The following PHF21A variants were observed in gnomAD, a reference collection of about 807,000 sequenced individuals.
The protein encoded by PHF21A is BHC80a.
Under a neutral mutation model 82.5 loss-of-function variants are expected in PHF21A, and 11 were observed. That is an observed-to-expected ratio of 0.13 (90% CI 0.08 to 0.22). PHF21A has a LOEUF of 0.22. Among genes scored for constraint, PHF21A ranks in the 10% least tolerant of loss-of-function variants. PHF21A has a pLI of 1.00. For synonymous variants in PHF21A, 297 were observed against 302.8 expected (o/e 0.98, Z 0.20); for missense variants, 579 against 837.8 (o/e 0.69, Z 3.81).
intron 1 of PHF21A, among the ~76,000 whole-genome samples, chr11:46,109,193 G>A (rs2097183903): frequency 6.6e-6 from 1 of 152,176 alleles, no homozygotes. Context: ...AATCCAGGTT[G>A]TATCATTTGT....
At chr11:45,961,646 A>G (rs2093084660) in intron 10 of PHF21A, among the ~76,000 whole-genome samples, 4 of 149,536 alleles carry the variant, frequency 2.7e-5, no homozygotes, top group African/African-American at 9.8e-5. Flanking sequence ...GACATGTTAC[A>G]TAGAAGTCTT....
chr11:46,049,488 C>T (rs149670458), intron 6 of PHF21A: 34 of 456,150 alleles, frequency 7.5e-5, no homozygotes, highest in African/African-American at 6.6e-4. Context: ...TAGAGGGAAA[C>T]AGATGGCTTC....
intron 6 of PHF21A, among the ~76,000 whole-genome samples, chr11:46,050,490 A>C (rs1170594771): frequency 6.6e-6 from 1 of 152,232 alleles, no homozygotes; most frequent in Non-Finnish European, 1.5e-5. Flanking sequence ...GAAAGCAACA[A>C]GAAATAAAAG....
At chr11:45,998,481 A>G (rs1000821757) in intron 6 of PHF21A, among the ~76,000 whole-genome samples, 5 of 152,212 alleles carry the variant, frequency 3.3e-5, no homozygotes, top group African/African-American at 1.2e-4. Flanking sequence ...TAGGAAACAG[A>G]AGATGTACAT....
chr11:45,951,992 A>G (rs745350747), intron 11 of PHF21A, among the ~76,000 whole-genome samples: 2 of 151,970 alleles, frequency 1.3e-5, no homozygotes, highest in Non-Finnish European at 2.9e-5. Flanking sequence ...TTTTTAGTAG[A>G]GACAGAGTTT....
At chr11:46,016,347 C>A (rs186280535) in intron 6 of PHF21A, among the ~76,000 whole-genome samples, 1 of 152,182 alleles carries the variant, frequency 6.6e-6, no homozygotes, top group African/African-American at 2.4e-5. Flanking sequence ...GCATTTAAGG[C>A]CCTTAACAAC....
intron 6 of PHF21A, among the ~76,000 whole-genome samples, chr11:46,009,100 G>A (rs1289201368): frequency 6.7e-6 from 1 of 150,206 alleles, no homozygotes; most frequent in Non-Finnish European, 1.5e-5. Flanking sequence ...TCAGCCTCCT[G>A]AGTAGCTGGG....
At chr11:46,056,776 A>G (rs2096463828) in intron 6 of PHF21A, among the ~76,000 whole-genome samples, 1 of 152,116 alleles carries the variant, frequency 6.6e-6, no homozygotes, top group Non-Finnish European at 1.5e-5. Context: ...GGAAACTTTA[A>G]GATTAGCTAT....
chr11:46,005,965 T>C (rs1442615111), intron 6 of PHF21A, among the ~76,000 whole-genome samples: 1 of 152,210 alleles, frequency 6.6e-6, no homozygotes, highest in Non-Finnish European at 1.5e-5. Flanking sequence ...TAAAAGTTTA[T>C]TTGGAGCCTA....
At chr11:45,944,525 G>A (rs1231140318) in intron 15 of PHF21A, among the ~76,000 whole-genome samples, 1 of 152,138 alleles carries the variant, frequency 6.6e-6, no homozygotes, top group Non-Finnish European at 1.5e-5. Flanking sequence ...ACAAAGCCCT[G>A]CGCAACTGGC....
chr11:45,970,040 T>A, intron 8 of PHF21A, 136 bp from the exon 9 acceptor site: 1 of 702,064 alleles, frequency 1.4e-6, no homozygotes, highest in Non-Finnish European at 2.5e-6. Context: ...TCATCTGAAT[T>A]AACACTGCAT....
chr11:46,028,870 C>A (rs2095807861), intron 6 of PHF21A, among the ~76,000 whole-genome samples: 2 of 152,214 alleles, frequency 1.3e-5, no homozygotes, highest in African/African-American at 4.8e-5. Context: ...CCACGCCCAG[C>A]AAAGGCTTGC....
chr11:45,951,235 A>AT (rs2092065680), intron 11 of PHF21A, among the ~76,000 whole-genome samples: 1 of 152,240 alleles, frequency 6.6e-6, no homozygotes, highest in Admixed American at 6.5e-5. Context: ...AACATCTTCA[A>AT]TTGTAAAAGA....
At chr11:45,958,572 G>A (rs2092873328) in intron 10 of PHF21A, among the ~76,000 whole-genome samples, 1 of 149,756 alleles carries the variant, frequency 6.7e-6, no homozygotes. Context: ...CTGTACTCCA[G>A]CCTGGGTGAC....
rs368657307 is a variant in PHF21A at position 46,070,022 on chromosome 11, C to T, written c.153+6732G>A. On this transcript the variant is annotated intron_variant, in intron 6 of 18. Transcript: ENST00000676320. ...ATGGAAAGAGACATATTAAGTTATT[C>T]AATAATTAAAATCTATCAACAAGTC... 1.5e-3 allele frequency among the ~76,000 whole-genome samples: 234 copies of T among 152,256 alleles called. 5 individuals are homozygous for T. The South Asian group carries it at 0.047, about 30-fold the overall frequency.
At chr11:45,945,080 A>T (rs1305763085) in intron 15 of PHF21A, among the ~76,000 whole-genome samples, 2 of 152,092 alleles carry the variant, frequency 1.3e-5, no homozygotes, top group African/African-American at 4.8e-5. Flanking sequence ...TCTTCATAGC[A>T]CTTATCATTA....
intron 15 of PHF21A, among the ~76,000 whole-genome samples, chr11:45,942,735 T>G (rs1272182718): frequency 6.6e-6 from 1 of 152,220 alleles, no homozygotes; most frequent in Non-Finnish European, 1.5e-5. Context: ...TTGTTACCTC[T>G]GGAATTTTAA....
intron 6 of PHF21A, among the ~76,000 whole-genome samples, chr11:45,992,749 G>T (rs2094756742): frequency 6.6e-6 from 1 of 152,184 alleles, no homozygotes; most frequent in Admixed American, 6.5e-5. Flanking sequence ...TGAAGACACA[G>T]GGAAACACAC....
chr11:45,961,870 T>G (rs2093105142), intron 10 of PHF21A, among the ~76,000 whole-genome samples: 1 of 152,228 alleles, frequency 6.6e-6, no homozygotes, highest in Non-Finnish European at 1.5e-5. Context: ...AAAACGAGTC[T>G]TCAGCTTCAA....
Sources: allele counts gnomAD v4.1 joint callset (sites outside exome capture counted in the v4.1 genomes callset), GRCh38; gene constraint gnomAD v4.1.1; transcripts MANE v1.5; gene names NCBI Gene and HGNC (gene_info 2026-07-23, HGNC 2026-07-21).